PRELID2: variants seen among roughly 807,000 people sequenced by gnomAD.
PRELID2 encodes PRELI domain containing 2.
In PRELID2, 25 loss-of-function variants were observed where a neutral mutation model predicts 28.4. That is an observed-to-expected ratio of 0.88 (90% confidence interval 0.64 to 1.23). PRELID2 has a LOEUF of 1.23. PRELID2 is among the 50% of genes most tolerant of loss of function. The pLI, the probability that PRELID2 is intolerant of heterozygous loss-of-function variation, is 0.00. For missense variants in PRELID2, 201 were observed against 214.4 expected (o/e 0.94, Z 0.39); for synonymous variants, 76 against 71.6 (o/e 1.06, Z -0.31).
At chr5:145,414,324 G>C in the PRELID2 span, among the ~76,000 whole-genome samples, 1 of 152,112 alleles carries the variant, frequency 6.6e-6, no homozygotes, top group African/African-American at 2.4e-5. Flanking sequence ...CATTTGATTG[G>C]CTGCTCTTGT....
intron 5 of PRELID2, among the ~76,000 whole-genome samples, chr5:145,781,440 A>G (rs1424805780): frequency 6.6e-6 from 1 of 151,976 alleles, no homozygotes; most frequent in African/African-American, 2.4e-5. Context: ...CAACACAAAG[A>G]GCCTAGGAAA....
intron 1 of PRELID2, among the ~76,000 whole-genome samples, chr5:145,610,582 G>A (rs1458635070): frequency 6.6e-6 from 1 of 152,144 alleles, no homozygotes; most frequent in African/African-American, 2.4e-5. Context: ...TAATTGTTGA[G>A]TGCCATTGAT....
At chr5:145,820,099 G>T in intron 2 of PRELID2, 81 bp from the exon 3 acceptor site, 2 of 828,002 alleles carry the variant, frequency 2.4e-6, no homozygotes, top group South Asian at 1.6e-5. Flanking sequence ...TGCGGGGGTG[G>T]GGTTTTTTTG....
At chr5:145,526,422 A>T (rs1272167960) in intron 1 of PRELID2, among the ~76,000 whole-genome samples, 1 of 152,136 alleles carries the variant, frequency 6.6e-6, no homozygotes, top group African/African-American at 2.4e-5. Flanking sequence ...TGTATACACA[A>T]TGGCCCAGGG....
At chr5:145,791,968 G>A (rs996064369) in intron 5 of PRELID2, among the ~76,000 whole-genome samples, 1 of 152,122 alleles carries the variant, frequency 6.6e-6, no homozygotes, top group East Asian at 1.9e-4. Flanking sequence ...TGAACAGAAG[G>A]GAAGATATTC....
chr5:145,642,200 T>C (rs1405602898), intron 1 of PRELID2, among the ~76,000 whole-genome samples: 2 of 152,162 alleles, frequency 1.3e-5, no homozygotes, highest in Admixed American at 1.3e-4. Context: ...TTTTAATGAT[T>C]GGCATTCTAA....
chr5:145,249,796 CAT>C, the PRELID2 span, among the ~76,000 whole-genome samples: 1 of 152,036 alleles, frequency 6.6e-6, no homozygotes, highest in Admixed American at 6.6e-5. Context: ...AGAAAAAAGA[CAT>C]AATTTTAAAT....
At chr5:145,477,233 ATCCAGGAGCACAAAAGGCTTTTTC>A (rs1752110879) in intron 1 of PRELID2, among the ~76,000 whole-genome samples, 1 of 152,150 alleles carries the variant, frequency 6.6e-6, no homozygotes, top group South Asian at 2.1e-4. Flanking sequence ...GTACAGCTGG[ATCCAGGAGCACAAAAGGCTTTTTC>A]TCAAAGCTCT....
the PRELID2 span, among the ~76,000 whole-genome samples, chr5:145,400,766 G>A: frequency 1.1e-3 from 171 of 152,214 alleles, 1 homozygote; most frequent in Admixed American, 2.0e-3. Context: ...CTCTTCCAAA[G>A]CAAGGAAACA....
the PRELID2 span, among the ~76,000 whole-genome samples, chr5:145,377,188 T>G: frequency 2.6e-5 from 4 of 152,238 alleles, no homozygotes; most frequent in Non-Finnish European, 4.4e-5. Flanking sequence ...TTCCATGTAA[T>G]TGCATAGTTT....
At chr5:145,587,588 A>T (rs1056980867) in intron 1 of PRELID2, among the ~76,000 whole-genome samples, 1 of 152,150 alleles carries the variant, frequency 6.6e-6, no homozygotes, top group African/African-American at 2.4e-5. Context: ...TAGGAGCATA[A>T]ATAGTAAAAT....
the PRELID2 span, among the ~76,000 whole-genome samples, chr5:145,458,201 T>C: frequency 6.6e-6 from 1 of 152,160 alleles, no homozygotes; most frequent in Non-Finnish European, 1.5e-5. Flanking sequence ...AGTGATAGGG[T>C]CAAACATTTA....
At chr5:145,747,641 A>AT (rs201250069) in intron 1 of PRELID2, among the ~76,000 whole-genome samples, 125,802 of 152,050 alleles carry the variant, frequency 0.83, 52,322 homozygotes, top group East Asian at 0.96. Flanking sequence ...ATTCCAAACA[A>AT]TAAAAAACAC....
At chr5:145,323,541 T>A in the PRELID2 span, among the ~76,000 whole-genome samples, 4 of 152,268 alleles carry the variant, frequency 2.6e-5, no homozygotes, top group South Asian at 2.1e-4. Flanking sequence ...TGTGGGGGGT[T>A]TGGTGTACAG....
intron 5 of PRELID2, among the ~76,000 whole-genome samples, chr5:145,784,776 T>C (rs926409400): frequency 2.0e-5 from 2 of 98,994 alleles, no homozygotes; most frequent in African/African-American, 7.6e-5. Flanking sequence ...GGCTAAATAA[T>C]CCCAACTTTG....
chr5:145,672,915 A>G (rs1453651047), intron 1 of PRELID2, among the ~76,000 whole-genome samples: 1 of 152,148 alleles, frequency 6.6e-6, no homozygotes, highest in Non-Finnish European at 1.5e-5. Flanking sequence ...TTTAGAATAT[A>G]TACCTCACAC....
chr5:145,826,241 T>C, intron 1 of PRELID2: 4 of 921,802 alleles, frequency 4.3e-6, no homozygotes, highest in Non-Finnish European at 5.2e-6. Context: ...GCTATAAATA[T>C]AATAGTGTAA....
chr5:145,676,918 A>C (rs1346150144), intron 1 of PRELID2, among the ~76,000 whole-genome samples: 6 of 152,116 alleles, frequency 3.9e-5, no homozygotes, highest in Non-Finnish European at 7.4e-5. Context: ...CAAAGAAAGA[A>C]AACCTTAGAT....
chr5:145,507,245 A>G (rs1189936477), intron 1 of PRELID2, among the ~76,000 whole-genome samples: 1 of 152,208 alleles, frequency 6.6e-6, no homozygotes, highest in Non-Finnish European at 1.5e-5. Flanking sequence ...TCAGGGAGGA[A>G]GACTATGTAC....
Sources: allele counts gnomAD v4.1 joint callset (sites outside exome capture counted in the v4.1 genomes callset), GRCh38; gene constraint gnomAD v4.1.1; transcripts MANE v1.5; gene names NCBI Gene and HGNC (gene_info 2026-07-23, HGNC 2026-07-21).